NLRC3: variants seen among roughly 807,000 people sequenced by gnomAD.
NLRC3 encodes NLR family CARD domain-containing protein 3.
Under a neutral mutation model 91.6 loss-of-function variants are expected in NLRC3, and 87 were observed. That is an observed-to-expected ratio of 0.95 (90% CI 0.80 to 1.14). The LOEUF is 1.14. Ranked by LOEUF, NLRC3 falls within the 50% of genes most tolerant of loss-of-function variation. The pLI is 0.00. For synonymous variants in NLRC3, 694 were observed against 625.3 expected, an observed-to-expected ratio of 1.11 and a Z score of -1.64; for missense variants, 1,577 against 1,418.6, an observed-to-expected ratio of 1.11 and a Z score of -1.79.
chr16:3,539,867 A>C lies in NLRC3; in HGVS notation c.*1958T>G, dbSNP rs957638895. 3 of 152,142 alleles carry C rather than the reference A, an allele frequency of 2.0e-5. No individual in the cohort carries two copies. The highest frequency in any genetic ancestry group is 7.2e-5 in the African/African-American group (3 of 41,426). The allele number at this position is 152,142 out of a possible 1,614,324, so 9.4% of individuals were successfully genotyped here. A position where few individuals can be genotyped will look rare whatever the true frequency, so the allele number is the denominator to read the frequency against. ...TTAAATTATATCTCTGTAATCTTTA[A>C]TTTCACGCTATCTGCAATGTTTTGT... On this transcript the variant is annotated 3_prime_UTR_variant, in exon 20 of 20. Transcript: ENST00000359128.
rs371699173 is a variant in NLRC3 at position 3,542,141 on chromosome 16, G to A, written c.3107+50C>T. ...CTCAGAACTGGGCAAAAGGCAGTGC[G>A]CCACCTGGAAGCAGTTCTAAGGGTG... On this transcript the variant is annotated intron_variant, in intron 19 of 19. Coordinates refer to ENST00000359128, the MANE Select transcript of NLRC3 (RefSeq NM_178844.4). 3.8e-4 allele frequency: 497 copies of A among 1,315,420 alleles called. 1 individual carries two copies. Among genetic ancestry groups the A allele is most frequent in the Non-Finnish European group, 4.0e-4 (376 of 931,004 alleles). 81.5% of individuals were successfully genotyped at this position (1,315,420 alleles called of 1,614,324 possible). A position where few individuals can be genotyped will look rare whatever the true frequency, so the allele number is the denominator to read the frequency against.
Position 3,563,575 on chromosome 16 carries a change from G to C in NLRC3, c.1362C>G (p.Thr454=). The change falls in exon 5 of 20, where the codon ACC becomes ACG. Residue 454 remains threonine, a synonymous_variant. Coordinates refer to ENST00000359128, the MANE Select transcript of NLRC3 (RefSeq NM_178844.4). ...CCACAAACTCCTGCAGGGACAGGTG[G>C]GTGAAGCAGTAGGCCACTGACGATG... ...TLASSVAYCF[T]HLSLQEFVAA... is the part of the protein sequence containing the mutation. The C allele has an allele frequency of 6.2e-7, 1 of 1,612,624 alleles. No individual in the cohort carries two copies. The highest frequency in any genetic ancestry group is 8.5e-7 in the Non-Finnish European group (1 of 1,179,574).
intron 1 of NLRC3, among the ~76,000 whole-genome samples, chr16:3,572,043 A>G (rs2040115872): frequency 6.6e-6 from 1 of 152,002 alleles, no homozygotes; most frequent in Non-Finnish European, 1.5e-5. Context: ...CATACATGGA[A>G]AAATATGAAT....
intron 13 of NLRC3, 135 bp from the exon 14 acceptor site, chr16:3,548,888 C>T (rs1331742933): frequency 2.9e-6 from 2 of 682,980 alleles, no homozygotes; most frequent in Non-Finnish European, 5.1e-6. Flanking sequence ...GGATACGTTG[C>T]CCAATGGCAT....
chr16:3,560,630 T>G (rs1055468764), intron 6 of NLRC3, among the ~76,000 whole-genome samples: 1 of 152,130 alleles, frequency 6.6e-6, no homozygotes, highest in Non-Finnish European at 1.5e-5. Flanking sequence ...AATTACAAGA[T>G]GAAGGTTTTT....
chr16:3,563,077 C>T lies in NLRC3; in HGVS notation c.1860G>A (p.Leu620=). 1 of 1,568,396 alleles carries T rather than the reference C, an allele frequency of 6.4e-7. No individual in the cohort carries two copies. Among genetic ancestry groups the T allele is most frequent in the Non-Finnish European group, 8.6e-7 (1 of 1,157,228 alleles). The change falls in exon 5 of 20, where the codon CTG becomes CTA. Residue 620 remains leucine, a synonymous_variant. Coordinates refer to ENST00000359128, the MANE Select transcript of NLRC3 (RefSeq NM_178844.4). ...VSDACAQEAN[L]SLSLSQGVLQ... ...GGACGCCCTGGCTGAGGCTCAGGGACAGGTTGGCCTCCTGGGCACAGGCGT... is the reference window on the plus strand; with the variant it reads ...GGACGCCCTGGCTGAGGCTCAGGGATAGGTTGGCCTCCTGGGCACAGGCGT...
chr16:3,570,608 G>T (rs185038493), intron 1 of NLRC3, among the ~76,000 whole-genome samples: 1 of 152,166 alleles, frequency 6.6e-6, no homozygotes, highest in Non-Finnish European at 1.5e-5. Flanking sequence ...GGTAATTGGC[G>T]GCTGGGGAAG....
At chr16:3,566,231 G>C (rs1189949168) in intron 2 of NLRC3, among the ~76,000 whole-genome samples, 1 of 151,480 alleles carries the variant, frequency 6.6e-6, no homozygotes, top group Non-Finnish European at 1.5e-5. Flanking sequence ...GACGGTGATA[G>C]TGACAGAGTC....
In NLRC3 at chr16:3,548,688, C is replaced by G. The variant is rs778330894; in HGVS notation, c.2669G>C (p.Arg890Pro). 6.3e-7 allele frequency: 1 copy of G among 1,592,600 alleles called. No homozygotes were observed. ...GACTCACTGAAGGGAGGTGAGGGTG[C>G]GGTTTTCTCTCACTGCCACTGCGAT... ...RAIAVAVREN[R>P]TLTSLHLQWN... The change falls in exon 14 of 20, where the codon CGC (arginine) becomes CCC (proline). Residue 890 changes from arginine (R) to proline (P), a missense_variant. Coordinates refer to ENST00000359128, the MANE Select transcript of NLRC3 (RefSeq NM_178844.4).
intron 17 of NLRC3, 86 bp from the exon 18 acceptor site, chr16:3,542,861 G>T: frequency 1.2e-6 from 1 of 861,054 alleles, no homozygotes. Flanking sequence ...GGGGCTGCTT[G>T]GTAGAGGAAA....
Position 3,564,208 on chromosome 16 carries a change from G to A in NLRC3, c.729C>T (p.Ile243=). The change falls in exon 5 of 20, where the codon ATC becomes ATT. Residue 243 remains isoleucine, a synonymous_variant. Transcript: ENST00000359128. The surrounding 1 kb of genome is among the most constrained non-coding windows in gnomAD (Gnocchi z 5.9). ...TGTTGGTGATCAGGTGGTCCACCGG[G>A]ATCTCCTTCTTTGGGTCCGTGCAGG... ...TVACTDPKKE[I]PVDHLITNII... 1.2e-6 allele frequency: 2 copies of A among 1,613,436 alleles called. No individual in the cohort carries two copies. The highest frequency in any genetic ancestry group is 8.5e-7 in the Non-Finnish European group (1 of 1,179,886).
At chr16:3,553,977 C>A (rs1306119359) in intron 9 of NLRC3, among the ~76,000 whole-genome samples, 3 of 151,566 alleles carry the variant, frequency 2.0e-5, no homozygotes, top group South Asian at 4.2e-4. Context: ...AAACTCCTGA[C>A]TTCAAGTGAT....
chr16:3,560,398 G>T (rs2039552408), intron 6 of NLRC3, among the ~76,000 whole-genome samples: 1 of 151,726 alleles, frequency 6.6e-6, no homozygotes, highest in African/African-American at 2.4e-5. Context: ...ACTCCAGCCT[G>T]CCCAACACAG....
chr16:3,565,836 G>C (rs891103850), intron 2 of NLRC3, among the ~76,000 whole-genome samples: 2 of 152,042 alleles, frequency 1.3e-5, no homozygotes, highest in African/African-American at 4.8e-5. Context: ...GAGCCCAGGA[G>C]TTTGAGACCA....
At chr16:3,542,357 G>T in intron 18 of NLRC3, 83 bp from the exon 19 acceptor site, 1 of 866,802 alleles carries the variant, frequency 1.2e-6, no homozygotes. Flanking sequence ...GCATTGTCTG[G>T]GGGCAGTAAC....
At position 3,563,519 on chromosome 16, in the gene NLRC3, C is replaced by G; in HGVS notation, c.1418G>C (p.Arg473Thr). ...CTCAGTGAAGAGGTCGAAGATGGCC[C>G]TCCTGGATGCGCCATAGTAATACGC... The part of the protein sequence containing the change: ...AAAYYYGASR[R>T]AIFDLFTESG... Residue 473 changes from arginine (R) to threonine (T), a missense_variant, in exon 5 of 20, where the codon AGG becomes ACG. Coordinates refer to ENST00000359128, the MANE Select transcript of NLRC3 (RefSeq NM_178844.4). The G allele has an allele frequency of 1.9e-6, 3 of 1,604,920 alleles. No homozygotes were observed. Among genetic ancestry groups the G allele is most frequent in the Non-Finnish European group, 2.6e-6 (3 of 1,176,154 alleles).
chr16:3,540,434 G>T lies in NLRC3; in HGVS notation c.*1391C>A, dbSNP rs2038350030. 1 of 152,102 alleles carries T rather than the reference G, an allele frequency of 6.6e-6. No homozygotes were observed. The highest frequency in any genetic ancestry group is 1.5e-5 in the Non-Finnish European group (1 of 68,024). The allele number at this position is 152,102 out of a possible 1,614,324, so 9.4% of individuals were successfully genotyped here. A position where few individuals can be genotyped will look rare whatever the true frequency, so the allele number is the denominator to read the frequency against. On this transcript the variant is annotated 3_prime_UTR_variant, in exon 20 of 20. Transcript: ENST00000359128. ...CCAACACAAACAGCTGCAGGAATTG[G>T]TGCCACATAGAGGCTCAGCTTGCCT... is the stretch of plus-strand genomic sequence containing the variant.
In NLRC3 at chr16:3,548,660, G is replaced by T; in HGVS notation, c.2687+10C>A. 1 of 1,557,600 alleles carries T rather than the reference G, an allele frequency of 6.4e-7. No individual in the cohort carries two copies. The highest frequency in any genetic ancestry group is 8.7e-7 in the Non-Finnish European group (1 of 1,144,546). On this transcript the variant is annotated intron_variant, in intron 14 of 19. Coordinates refer to ENST00000359128, the MANE Select transcript of NLRC3 (RefSeq NM_178844.4). Reference sequence around the variant, plus strand: ...GGGGAACAGAGCAGGGTGGAGAGCTGCAGACTCACTGAAGGGAGGTGAGGG... The same window carrying T: ...GGGGAACAGAGCAGGGTGGAGAGCTTCAGACTCACTGAAGGGAGGTGAGGG...
intron 16 of NLRC3, 90 bp from the exon 17 acceptor site, chr16:3,543,598 A>G (rs2151080180): frequency 1.2e-6 from 1 of 866,896 alleles, no homozygotes; most frequent in Non-Finnish European, 1.9e-6. Context: ...TTGACTCAGG[A>G]TGGAAAGTGG....
Sources: gnomAD v4.1 joint callset for allele counts (sites outside exome capture counted in the v4.1 genomes callset) on GRCh38, gnomAD v4.1.1 for gene constraint, Gnocchi (gnomAD v3.1) non-coding constraint, MANE v1.5 for transcripts, NCBI Gene and HGNC (gene_info 2026-07-23, HGNC 2026-07-21) for gene names.